NAV3: variants seen among roughly 807,000 people sequenced by gnomAD.
NAV3 encodes pore membrane and/or filament interacting like protein 1.
Under a neutral mutation model 244.7 loss-of-function variants are expected in NAV3, and 87 were observed. The ratio of observed to expected loss-of-function variants is 0.36; its 90% CI spans 0.30 to 0.42. The LOEUF (loss-of-function observed/expected upper bound fraction) is 0.42. NAV3 is among the 20% of genes least tolerant of loss of function. NAV3 has a pLI of 1.00. For synonymous variants in NAV3, 1,126 were observed against 1,042.2 expected (o/e 1.08, Z -1.55); for missense variants, 2,663 against 2,893.3 (o/e 0.92, Z 1.83).
intron 2 of NAV3, among the ~76,000 whole-genome samples, chr12:77,738,936 T>C (rs911338918): frequency 1.5e-5 from 2 of 130,754 alleles, no homozygotes; most frequent in Non-Finnish European, 3.1e-5. Context: ...GGCGTGAACC[T>C]GGGAGGCGGA....
rs1414206748 is a variant in NAV3 at position 78,185,611 on chromosome 12, A to G, written c.5703A>G (p.Leu1901=). 6.8e-6 allele frequency: 11 copies of G among 1,607,836 alleles called. No homozygotes were observed. Among genetic ancestry groups the G allele is most frequent in the Non-Finnish European group, 9.3e-6 (11 of 1,177,008 alleles). The change falls in exon 31 of 40, where the codon CTA becomes CTG. Residue 1901 remains leucine, a synonymous_variant. Coordinates refer to ENST00000397909, the MANE Select transcript of NAV3 (RefSeq NM_001024383.2). The part of the protein sequence containing the change: ...ITEAVSSDIL[L]DDAGDATGHK... ...TTTAAAATTTGATAGATATTTTGCT[A>G]GATGATGCTGGTGATGCAACTGGAC...
At chr12:77,994,382 T>C (rs1871984219) in intron 5 of NAV3, among the ~76,000 whole-genome samples, 1 of 152,260 alleles carries the variant, frequency 6.6e-6, no homozygotes, top group Non-Finnish European at 1.5e-5. Flanking sequence ...AAGGAACTAA[T>C]GACTGTCATC....
At chr12:78,168,372 G>A (rs966715805) in intron 23 of NAV3, among the ~76,000 whole-genome samples, 5 of 151,768 alleles carry the variant, frequency 3.3e-5, no homozygotes, top group African/African-American at 9.7e-5. Flanking sequence ...ACAATACAAT[G>A]CAACAGTGCA....
rs770055885 is a variant in NAV3, at chr12:78,051,298, C to T, written c.2516+151C>T. 5.1e-6 allele frequency: 4 copies of T among 776,892 alleles called. No individual in the cohort carries two copies. The South Asian group carries it at 6.5e-5, about 13-fold the overall frequency. The allele number at this position is 776,892 out of a possible 1,614,324, so 48.1% of individuals were successfully genotyped here. On this transcript the variant is annotated intron_variant, in intron 11 of 39. Transcript: ENST00000397909. ...TATTCAGAGTGTTGAAGGGCCCTTCCTCTGCTCATTCATGGAGAGTAAAGA... is the reference window on the plus strand; with the variant it reads ...TATTCAGAGTGTTGAAGGGCCCTTCTTCTGCTCATTCATGGAGAGTAAAGA...
chr12:77,572,545 A>T (rs1190453381), intron 2 of NAV3, among the ~76,000 whole-genome samples: 2 of 152,192 alleles, frequency 1.3e-5, no homozygotes, highest in African/African-American at 4.8e-5. Context: ...CTGACCTCGT[A>T]GGAACAGTTC....
At chr12:77,815,244 A>G (rs187288356) in intron 2 of NAV3, among the ~76,000 whole-genome samples, 79 of 152,302 alleles carry the variant, frequency 5.2e-4, no homozygotes, top group Non-Finnish European at 1.0e-3. Context: ...AGTCTTAATG[A>G]TGGGATTACA....
chr12:78,123,335 T>G (rs987929468), intron 16 of NAV3, among the ~76,000 whole-genome samples: 1 of 126,878 alleles, frequency 7.9e-6, no homozygotes, highest in Non-Finnish European at 1.8e-5. Context: ...TCTTCCCCTG[T>G]TTTTTTTATT....
intron 9 of NAV3, among the ~76,000 whole-genome samples, chr12:78,026,547 A>C (rs1878088167): frequency 2.0e-5 from 3 of 152,168 alleles, no homozygotes; most frequent in Non-Finnish European, 2.9e-5. Context: ...GTACTCAGAA[A>C]CAAATGGTGT....
intron 2 of NAV3, among the ~76,000 whole-genome samples, chr12:77,685,473 G>GCACACACACACACACA (rs778398842): frequency 0.016 from 676 of 42,664 alleles, 9 homozygotes; most frequent in African/African-American, 0.03. Context: ...GCATACACAT[G>GCACACACACACACACA]CACACACACA....
intron 2 of NAV3, among the ~76,000 whole-genome samples, chr12:77,618,135 A>G (rs561572021): frequency 4.6e-5 from 7 of 152,308 alleles, no homozygotes; most frequent in African/African-American, 1.4e-4. Context: ...CATCTAGGCA[A>G]TGGATTCCCC....
chr12:77,926,104 T>C (rs191648521), intron 1 of NAV3, among the ~76,000 whole-genome samples: 166 of 152,330 alleles, frequency 1.1e-3, no homozygotes, highest in African/African-American at 3.9e-3. Context: ...ACTGCATTTT[T>C]ATTTCCATTA....
chr12:78,161,258 A>T (rs1450762711), intron 23 of NAV3, among the ~76,000 whole-genome samples: 15 of 152,116 alleles, frequency 9.9e-5, no homozygotes, highest in Admixed American at 4.6e-4. Context: ...ATCATGTCAC[A>T]TGCTAGGGGC....
intron 2 of NAV3, among the ~76,000 whole-genome samples, chr12:77,766,474 A>G (rs758714095): frequency 3.3e-5 from 5 of 152,154 alleles, no homozygotes; most frequent in Non-Finnish European, 7.4e-5. Flanking sequence ...GCCTAAATAC[A>G]CATTCATCAA....
intron 12 of NAV3, among the ~76,000 whole-genome samples, chr12:78,062,314 T>A (rs975777141): frequency 6.6e-6 from 1 of 151,972 alleles, no homozygotes; most frequent in Non-Finnish European, 1.5e-5. Flanking sequence ...TATGAAAAAA[T>A]TTTTATACCA....
At chr12:77,625,079 T>A (rs1431989459) in intron 2 of NAV3, among the ~76,000 whole-genome samples, 1 of 152,226 alleles carries the variant, frequency 6.6e-6, no homozygotes, top group Non-Finnish European at 1.5e-5. Flanking sequence ...GAAAAAAATT[T>A]TTTTAAGAAA....
At chr12:78,200,171 G>A (rs1345540748) in intron 37 of NAV3, among the ~76,000 whole-genome samples, 1 of 151,940 alleles carries the variant, frequency 6.6e-6, no homozygotes. Flanking sequence ...TTTATATTTG[G>A]CAATTCATTT....
At chr12:77,976,666 C>CTTTCTTTTTTTTTTTTTT (rs1446044531) in intron 5 of NAV3, among the ~76,000 whole-genome samples, 6 of 58,052 alleles carry the variant, frequency 1.0e-4, no homozygotes, top group Admixed American at 2.5e-4. Flanking sequence ...TTCTTTCTTT[C>CTTTCTTTTTTTTTTTTTT]TTTTTTTCTT....
intron 2 of NAV3, among the ~76,000 whole-genome samples, chr12:77,690,642 A>G (rs1874963207): frequency 1.3e-5 from 2 of 150,742 alleles, no homozygotes; most frequent in South Asian, 2.1e-4. Flanking sequence ...CTGTCATATA[A>G]TAAGATCATA....
intron 6 of NAV3, among the ~76,000 whole-genome samples, chr12:77,996,669 G>C (rs1001809736): frequency 6.6e-6 from 1 of 151,962 alleles, no homozygotes; most frequent in African/African-American, 2.4e-5. Flanking sequence ...AAATGATATA[G>C]TCTAGTAGTA....
Sources: allele counts gnomAD v4.1 joint callset (sites outside exome capture counted in the v4.1 genomes callset), GRCh38; gene constraint gnomAD v4.1.1; transcripts MANE v1.5; gene names NCBI Gene and HGNC (gene_info 2026-07-23, HGNC 2026-07-21).